Variants in SLC12A4 observed in about 807,000 individuals in gnomAD.
The protein encoded by SLC12A4 is electroneutral potassium-chloride cotransporter 1.
In SLC12A4, 84 loss-of-function variants were observed where a neutral mutation model predicts 119.2. The ratio of observed to expected loss-of-function variants is 0.70; its 90% CI spans 0.59 to 0.85. The LOEUF (loss-of-function observed/expected upper bound fraction) is 0.85. SLC12A4 is among the 40% of genes least tolerant of loss of function. The pLI is 0.00. For missense variants in SLC12A4, 1,298 were observed against 1,476.3 expected (o/e 0.88, Z 1.98); for synonymous variants, 599 against 604.6 (o/e 0.99, Z 0.14).
chr16:67,946,358 G>A lies in SLC12A4; in HGVS notation c.2438-18C>T, dbSNP rs370523459. Reference sequence around the variant, plus strand: ...CACGGTGTCTGGGGAGGAGGAGCACGGCTGACCACCAGTCTGTGGCCCTCC... The same window carrying A: ...CACGGTGTCTGGGGAGGAGGAGCACAGCTGACCACCAGTCTGTGGCCCTCC... On this transcript the variant is annotated intron_variant, in intron 18 of 23. Coordinates refer to ENST00000316341, the MANE Select transcript of SLC12A4 (RefSeq NM_005072.5). The A allele has an allele frequency of 1.4e-5, 22 of 1,605,654 alleles. No individual in the cohort carries two copies. The highest frequency in any genetic ancestry group is 6.6e-5 in the South Asian group (6 of 91,078).
At position 67,945,485 on chromosome 16, in the gene SLC12A4, C is replaced by G; in HGVS notation, c.2916G>C (p.Glu972Asp). 1 of 1,614,130 alleles carries G rather than the reference C, an allele frequency of 6.2e-7. No individual in the cohort carries two copies. ...LESLYSDEED[E>D]SAVGADKIQM... is the part of the protein sequence containing the mutation. ...GGATCTTGTCAGCCCCCACTGCAGA[C>G]TCATCTTCCTCGTCCGAGTACAGGC... Residue 972 changes from glutamate (E) to aspartate (D), a missense_variant, in exon 22 of 24, where the codon GAG becomes GAC. Physicochemically the swap from Glu to Asp is conservative, Grantham distance 45. Transcript: ENST00000316341.
In SLC12A4 at chr16:67,952,496, C is replaced by CT. The variant is rs1372246891; in HGVS notation, c.676-72dup. 6 of 1,577,866 alleles carry CT rather than the reference C, an allele frequency of 3.8e-6. No homozygotes were observed. The East Asian group carries it at 1.3e-4, about 35-fold the overall frequency. On this transcript the variant is annotated intron_variant, in intron 6 of 23. Transcript: ENST00000316341. The stretch of plus-strand genomic sequence containing the variant: ...AAGTGAAACTTGTCGTTTTGGTTTT[C>CT]TTTTTACGAGTACCTAAAAGAGGCC...
At chr16:67,953,453 A>G (rs927322536) in intron 6 of SLC12A4, among the ~76,000 whole-genome samples, 2 of 152,196 alleles carry the variant, frequency 1.3e-5, no homozygotes, top group Non-Finnish European at 1.5e-5. Context: ...AAAAGGTCAC[A>G]TATTATATGA....
rs540539385 is a variant in SLC12A4, at chr16:67,947,122, G to T, written c.2073-17C>A. ...AGCTGCGGCCTGCAGTGGCCGGGTG[G>T]GGGGAGCCTGAGACCAGGGCCGGCC... On this transcript the variant is annotated splice_polypyrimidine_tract_variant and intron_variant, in intron 16 of 23. Coordinates refer to ENST00000316341, the MANE Select transcript of SLC12A4 (RefSeq NM_005072.5). 2.0e-5 allele frequency: 31 copies of T among 1,568,400 alleles called. No individual in the cohort carries two copies. Among genetic ancestry groups the T allele is most frequent in the South Asian group, 1.0e-4 (9 of 87,130 alleles).
intron 1 of SLC12A4, among the ~76,000 whole-genome samples, chr16:67,966,285 C>A (rs922100012): frequency 6.6e-6 from 1 of 152,260 alleles, no homozygotes; most frequent in Non-Finnish European, 1.5e-5. Context: ...ATGTAAGGGT[C>A]TAAGTAGTGC....
Position 67,949,629 on chromosome 16 carries a change from G to GC in SLC12A4, c.1748+170dup, listed in dbSNP as rs2058390310. On this transcript the variant is annotated intron_variant, in intron 13 of 23. Coordinates refer to ENST00000316341, the MANE Select transcript of SLC12A4 (RefSeq NM_005072.5). The surrounding 1 kb of genome is among the most constrained non-coding windows in gnomAD (Gnocchi z 4.6). ...GTCACCTTATAGCTTTGGCATAGGT[G>GC]CCAGGCTTGCTCCTAAATGCAGGGG... 4 of 567,086 alleles carry GC rather than the reference G, an allele frequency of 7.1e-6. No homozygotes were observed. In the East Asian group the frequency reaches 1.3e-4, roughly 18 times the overall value. The allele number at this position is 567,086 out of a possible 1,614,324, so 35.1% of individuals were successfully genotyped here. A position where few individuals can be genotyped will look rare whatever the true frequency, so the allele number is the denominator to read the frequency against.
chr16:67,965,190 T>C (rs1012221054), intron 1 of SLC12A4, among the ~76,000 whole-genome samples: 3 of 152,172 alleles, frequency 2.0e-5, no homozygotes, highest in East Asian at 3.8e-4. Flanking sequence ...TCCATGCTTG[T>C]TCAGGATCAG....
rs895568890 is a variant in SLC12A4 at position 67,950,861 on chromosome 16, A to G, written c.1396+101T>C. On this transcript the variant is annotated intron_variant, in intron 10 of 23. Coordinates refer to ENST00000316341, the MANE Select transcript of SLC12A4 (RefSeq NM_005072.5). The surrounding 1 kb of genome is among the most constrained non-coding windows in gnomAD (Gnocchi z 4.3). ...ATGTGTGCATGAGAAGGGGAGCTAT[A>G]TATGAGTGTGTGGGGTGTCTGTGCA... 2 of 1,429,474 alleles carry G rather than the reference A, an allele frequency of 1.4e-6. No individual in the cohort carries two copies. Among genetic ancestry groups the G allele is most frequent in the African/African-American group, 1.4e-5 (1 of 71,126 alleles). 88.5% of individuals were successfully genotyped at this position (1,429,474 alleles called of 1,614,324 possible).
At position 67,957,883 on chromosome 16, in the gene SLC12A4, C is replaced by G. The variant is rs192786846; in HGVS notation, c.489+15G>C. 2.5e-6 allele frequency: 4 copies of G among 1,613,996 alleles called. No homozygotes were observed. The Admixed American group carries it at 5.0e-5, about 20-fold the overall frequency. ...GCCCATGCCCAGCCCAACCCTCCCA[C>G]GCCAGGACACTCACACAACAGCAGC... On this transcript the variant is annotated intron_variant, in intron 4 of 23. Transcript: ENST00000316341.
In SLC12A4 at chr16:67,951,987, C is replaced by G. The variant is rs756760035; in HGVS notation, c.968G>C (p.Cys323Ser). 3.7e-6 allele frequency: 6 copies of G among 1,614,120 alleles called. No individual in the cohort carries two copies. Among genetic ancestry groups the G allele is most frequent in the Non-Finnish European group, 5.1e-6 (6 of 1,180,036 alleles). The change falls in exon 8 of 24, where the codon TGT (cysteine) becomes TCT (serine). Residue 323 changes from cysteine to serine, a missense_variant. Physicochemically the swap from Cys to Ser is moderately radical, Grantham distance 112 (BLOSUM62 -1). Transcript: ENST00000316341. The surrounding 1 kb of genome is among the most constrained non-coding windows in gnomAD (Gnocchi z 5.2). The stretch of plus-strand genomic sequence containing the variant: ...ATTGTCCACTACAGCTGTCTTGGCA[C>G]AGATGTCAAACTGGTCCCGGGACAG... ...RTLSRDQFDICAKTAVVDNET... is the reference protein window; with the variant it reads ...RTLSRDQFDISAKTAVVDNET...
chr16:67,961,424 A>C (rs1397601137), intron 3 of SLC12A4, 151 bp downstream of exon 3: 33 of 1,199,328 alleles, frequency 2.8e-5, no homozygotes, highest in African/African-American at 4.5e-5. Context: ...AAGCCTCCTG[A>C]GACAAGGCAT....
intron 6 of SLC12A4, among the ~76,000 whole-genome samples, chr16:67,953,391 CAAAT>C (rs1037415015): frequency 3.9e-5 from 6 of 151,998 alleles, no homozygotes; most frequent in South Asian, 2.1e-4. Flanking sequence ...CATCTCAAAA[CAAAT>C]AAATAAATAA....
chr16:67,959,085 T>A (rs2030427725), intron 3 of SLC12A4, among the ~76,000 whole-genome samples: 2 of 152,138 alleles, frequency 1.3e-5, no homozygotes, highest in African/African-American at 2.4e-5. Context: ...CCCTGGGACA[T>A]CCTGTTGGGA....
chr16:67,958,270 C>A (rs753188073), intron 3 of SLC12A4, among the ~76,000 whole-genome samples: 7 of 152,166 alleles, frequency 4.6e-5, no homozygotes, highest in African/African-American at 1.4e-4. Flanking sequence ...AACTTTGGAA[C>A]CTTAACTCTC....
Position 67,946,427 on chromosome 16 carries a change from C to A in SLC12A4, c.2437+11G>T. Reference sequence around the variant, plus strand: ...TCACCCCTGCCCACCAGGCCCCAGGCCTTCACACACCAATGAAGGTCTTCC... The same window carrying A: ...TCACCCCTGCCCACCAGGCCCCAGGACTTCACACACCAATGAAGGTCTTCC... On this transcript the variant is annotated intron_variant, in intron 18 of 23. Coordinates refer to ENST00000316341, the MANE Select transcript of SLC12A4 (RefSeq NM_005072.5). 6.2e-7 allele frequency: 1 copy of A among 1,604,078 alleles called. No homozygotes were observed. The highest frequency in any genetic ancestry group is 2.2e-5 in the East Asian group (1 of 44,844).
At chr16:67,958,141 G>A in intron 3 of SLC12A4, 97 bp from the exon 4 acceptor site, 1 of 1,369,296 alleles carries the variant, frequency 7.3e-7, no homozygotes, top group Non-Finnish European at 1.0e-6. Context: ...CCCCCAGTGG[G>A]GCCCCAGGGA....
chr16:67,954,044 C>T (rs1396272415), intron 6 of SLC12A4: 2 of 280,620 alleles, frequency 7.1e-6, no homozygotes, highest in Non-Finnish European at 1.5e-5. Flanking sequence ...CAGGTATCTC[C>T]TACCCTCTGG....
chr16:67,957,077 T>C (rs950239833), intron 5 of SLC12A4, among the ~76,000 whole-genome samples: 2 of 151,806 alleles, frequency 1.3e-5, no homozygotes, highest in African/African-American at 2.4e-5. Flanking sequence ...CTTGGCTCAC[T>C]ACTGCAACCT....
Position 67,968,443 on chromosome 16 carries a change from C to G in SLC12A4, c.111G>C (p.Ser37=), listed in dbSNP as rs1432092461. The G allele has an allele frequency of 6.4e-7, 1 of 1,572,002 alleles. No individual in the cohort carries two copies. The highest frequency in any genetic ancestry group is 8.6e-7 in the Non-Finnish European group (1 of 1,165,490). The change falls in exon 1 of 24, where the codon TCG becomes TCC. Residue 37 remains serine, a synonymous_variant. Transcript: ENST00000316341. ...DYGERAELDD[S]DGHGNHRESS... ...CCCCTCAGAACGCGCCCTCACCGTC[C>G]GAGTCATCCAGCTCGGCGCGCTCCC...
Sources: gnomAD v4.1 joint callset for allele counts (sites outside exome capture counted in the v4.1 genomes callset) on GRCh38, gnomAD v4.1.1 for gene constraint, Gnocchi (gnomAD v3.1) non-coding constraint, MANE v1.5 for transcripts, NCBI Gene and HGNC (gene_info 2026-07-23, HGNC 2026-07-21) for gene names.